Variants in CD109 observed in about 807,000 individuals in gnomAD.
CD109 encodes the protein CD109 molecule.
A neutral mutation model predicts 165.8 loss-of-function variants in CD109; 149 were observed. The ratio of observed to expected loss-of-function variants is 0.90; its 90% CI spans 0.79 to 1.03. The LOEUF (loss-of-function observed/expected upper bound fraction) is 1.03, where lower values mean the gene tolerates loss of function less well. CD109 is among the 50% of genes least tolerant of loss of function. The pLI, the probability that CD109 is intolerant of heterozygous loss-of-function variation, is 0.00. For missense variants in CD109, 1,712 were observed against 1,677.8 expected, an observed-to-expected ratio of 1.02 and a Z score of -0.36; for synonymous variants, 585 against 592.1, an observed-to-expected ratio of 0.99 and a Z score of 0.18.
chr6:73,788,798 A>T (rs1176004445), intron 22 of CD109, among the ~76,000 whole-genome samples, 186 bp downstream of exon 22: 1 of 152,224 alleles, frequency 6.6e-6, no homozygotes, highest in Non-Finnish European at 1.5e-5. Context: ...ACTGTTCTCA[A>T]TCTTCAATGT....
intron 28 of CD109, 59 bp from the exon 29 acceptor site, chr6:73,812,146 C>A: frequency 8.8e-7 from 1 of 1,132,318 alleles, no homozygotes; most frequent in Admixed American, 1.8e-5. Flanking sequence ...TGTTTTGCTA[C>A]TTGGAAGGAT....
chr6:73,718,136 C>A (rs915652098), intron 2 of CD109, among the ~76,000 whole-genome samples: 3 of 151,844 alleles, frequency 2.0e-5, no homozygotes, highest in South Asian at 4.2e-4. Context: ...CATAGGGAGA[C>A]CCTGTGTCTA....
At chr6:73,723,065 T>C (rs1241716404) in intron 2 of CD109, 186 bp from the exon 3 acceptor site, 10 of 911,128 alleles carry the variant, frequency 1.1e-5, no homozygotes, top group Non-Finnish European at 3.9e-6. Context: ...TTTTTAATTG[T>C]TTGGCACAAA....
intron 18 of CD109, 118 bp from the exon 19 acceptor site, chr6:73,783,589 T>TA (rs1582152732): frequency 1.5e-6 from 1 of 662,036 alleles, no homozygotes; most frequent in Non-Finnish European, 2.6e-6. Flanking sequence ...TAAATTCAGA[T>TA]ATGTAAACAA....
intron 6 of CD109, among the ~76,000 whole-genome samples, chr6:73,757,847 CTCCCATTT>C (rs1388016383): frequency 6.6e-6 from 1 of 152,166 alleles, no homozygotes; most frequent in Non-Finnish European, 1.5e-5. Context: ...ACACATATGG[CTCCCATTT>C]TATGTCTTTT....
Position 73,826,729 on chromosome 6 carries a change from G to C in CD109, c.*3096G>C, listed in dbSNP as rs1291184711. The C allele has an allele frequency of 1.3e-5, 2 of 152,042 alleles. No individual in the cohort carries two copies. Among genetic ancestry groups the C allele is most frequent in the African/African-American group, 2.4e-5 (1 of 41,400 alleles). The allele number at this position is 152,042 out of a possible 1,614,324, so 9.4% of individuals were successfully genotyped here. A position where few individuals can be genotyped will look rare whatever the true frequency, so the allele number is the denominator to read the frequency against. ...GAGTGTTTTGCTTATGTAGAATCCA[G>C]ATATATTTCTGTTACCTAGGAGATG... On this transcript the variant is annotated 3_prime_UTR_variant, in exon 33 of 33. Transcript: ENST00000287097.
At chr6:73,710,376 A>C (rs1771481524) in intron 2 of CD109, among the ~76,000 whole-genome samples, 1 of 152,166 alleles carries the variant, frequency 6.6e-6, no homozygotes, top group Non-Finnish European at 1.5e-5. Flanking sequence ...CTAGGAATCC[A>C]ACTTACAAGG....
chr6:73,791,324 C>A (rs1162440171), intron 22 of CD109, among the ~76,000 whole-genome samples: 1 of 150,164 alleles, frequency 6.7e-6, no homozygotes, highest in Non-Finnish European at 1.5e-5. Flanking sequence ...CAGCCCCTTG[C>A]ATAACTGGGA....
In CD109 at chr6:73,791,707, G is replaced by A. The variant is rs534864405; in HGVS notation, c.2702-919G>A. 5.5e-4 allele frequency among the ~76,000 whole-genome samples: 84 copies of A among 152,194 alleles called. No homozygotes were observed. In the South Asian group the frequency reaches 0.017, roughly 31 times the overall value. ...GCTTCTTTGAACTTTGATAGTCTAT[G>A]TTCACTTTGAATATTAAACACATAG... On this transcript the variant is annotated intron_variant, in intron 22 of 32. Transcript: ENST00000287097.
At chr6:73,785,330 G>A in intron 19 of CD109, 34 bp from the exon 20 acceptor site, 1 of 1,179,298 alleles carries the variant, frequency 8.5e-7, no homozygotes, top group Admixed American at 2.0e-5. Flanking sequence ...ATTTTGACCT[G>A]AATAAAAATA....
chr6:73,815,842 C>T (rs1315188681), intron 30 of CD109, among the ~76,000 whole-genome samples: 2 of 152,118 alleles, frequency 1.3e-5, no homozygotes, highest in African/African-American at 2.4e-5. Flanking sequence ...AGAGGCTTCA[C>T]TTTTTTTTCT....
At chr6:73,696,721 A>G (rs570079209) in intron 1 of CD109, among the ~76,000 whole-genome samples, 1 of 152,298 alleles carries the variant, frequency 6.6e-6, no homozygotes, top group East Asian at 1.9e-4. Flanking sequence ...AGGGGCAGAC[A>G]TTATAGGAAG....
chr6:73,693,968 C>A (rs960091576), upstream of CD109: 1 of 152,042 alleles, frequency 6.6e-6, no homozygotes, highest in African/African-American at 2.4e-5. Flanking sequence ...TCACTGCAAC[C>A]TCCAACGCCC....
At chr6:73,744,585 A>G (rs1437190850) in intron 5 of CD109, among the ~76,000 whole-genome samples, 1 of 152,236 alleles carries the variant, frequency 6.6e-6, no homozygotes, top group Non-Finnish European at 1.5e-5. Flanking sequence ...AAAGTCTAAA[A>G]TAGACTTATA....
chr6:73,728,006 G>T (rs1772203255), intron 3 of CD109, among the ~76,000 whole-genome samples: 1 of 152,074 alleles, frequency 6.6e-6, no homozygotes, highest in South Asian at 2.1e-4. Flanking sequence ...GGGCGTCCTG[G>T]TACACAAAGG....
rs770774095 is a variant in CD109, at chr6:73,766,944, C to T, written c.1435-4C>T. 20 of 1,611,536 alleles carry T rather than the reference C, an allele frequency of 1.2e-5. No homozygotes were observed. In the East Asian group the frequency reaches 4.2e-4, roughly 34 times the overall value. On this transcript the variant is annotated splice_region_variant and splice_polypyrimidine_tract_variant and intron_variant, in intron 12 of 32. Coordinates refer to ENST00000287097, the MANE Select transcript of CD109 (RefSeq NM_133493.5). ...TGTACATATTAATTAAGGTTTTTTT[C>T]TAGGTGGGATCGCCTTTTGAGTTGG...
At chr6:73,728,190 G>A (rs753573357) in intron 3 of CD109, among the ~76,000 whole-genome samples, 9 of 152,066 alleles carry the variant, frequency 5.9e-5, no homozygotes, top group East Asian at 3.8e-4. Context: ...GCATGGTGGC[G>A]CACACCTGTA....
Position 73,730,528 on chromosome 6 carries a change from T to TA in CD109, c.461_462insA (p.Phe154LeufsTer5). On this transcript the variant is annotated frameshift_variant, in exon 4 of 33. Transcript: ENST00000287097. LOFTEE classifies it high-confidence loss of function. Reference sequence around the variant, plus strand: ...GTGAAGTTTCGCATTGTTACACTCTTCTCAGATTTTAAGCCTTACAAAACC... The same window carrying TA: ...GTGAAGTTTCGCATTGTTACACTCTTACTCAGATTTTAAGCCTTACAAAACC... The TA allele has an allele frequency of 1.9e-6, 3 of 1,614,086 alleles. No individual in the cohort carries two copies. Among genetic ancestry groups the TA allele is most frequent in the Non-Finnish European group, 2.5e-6 (3 of 1,179,960 alleles).
In CD109 at chr6:73,756,654, C is replaced by T. The variant is rs6453696; in HGVS notation, c.645C>T (p.Tyr215=). Residue 215 remains tyrosine, a synonymous_variant, in exon 6 of 33, where the codon TAC becomes TAT. Coordinates refer to ENST00000287097, the MANE Select transcript of CD109 (RefSeq NM_133493.5). ...SIQVQVNDQT[Y]YQSFQVSEYV... The stretch of plus-strand genomic sequence containing the variant: ...CCCCTGCCCAATAGGACCAGACATA[C>T]TATCAATCATTTCAGGTTTCAGAAT... 838,614 of 1,528,942 alleles carry T rather than the reference C, an allele frequency of 0.55. 236,350 individuals carry two copies. The highest frequency in any genetic ancestry group is 0.87 in the East Asian group (35,994 of 41,520). The allele number at this position is 1,528,942 out of a possible 1,614,324, so 94.7% of individuals were successfully genotyped here.
Sources: allele counts gnomAD v4.1 joint callset (sites outside exome capture counted in the v4.1 genomes callset), GRCh38; gene constraint gnomAD v4.1.1; transcripts MANE v1.5; gene names NCBI Gene and HGNC (gene_info 2026-07-23, HGNC 2026-07-21).